Variants in PTPRD observed in about 807,000 individuals in gnomAD.
The protein encoded by PTPRD is receptor-type tyrosine-protein phosphatase delta.
PTPRD carries 34 observed loss-of-function variants against 214.5 expected under a neutral mutation model. The observed-to-expected ratio is 0.16, with a 90% CI of 0.12 to 0.21. The LOEUF (loss-of-function observed/expected upper bound fraction) is 0.21, where lower values mean the gene tolerates loss of function less well. Among genes scored for constraint, PTPRD ranks in the 10% least tolerant of loss-of-function variants. The pLI, the probability that PTPRD is intolerant of heterozygous loss-of-function variation, is 1.00. For synonymous variants in PTPRD, 1,128 were observed against 845.7 expected, an observed-to-expected ratio of 1.33 and a Z score of -5.79; for missense variants, 2,545 against 2,398.7, an observed-to-expected ratio of 1.06 and a Z score of -1.27.
intron 14 of PTPRD, among the ~76,000 whole-genome samples, chr9:8,566,548 C>A (rs539043723): frequency 6.6e-6 from 1 of 152,270 alleles, no homozygotes; most frequent in East Asian, 1.9e-4. Context: ...ATAACTTCAC[C>A]TCTGAGTAGG....
intron 3 of PTPRD, among the ~76,000 whole-genome samples, chr9:10,108,941 G>C (rs1433431064): frequency 2.6e-5 from 4 of 151,568 alleles, no homozygotes; most frequent in Non-Finnish European, 5.9e-5. Context: ...TGTTGAGAAA[G>C]TCCTTTCCAG....
chr9:9,669,473 CT>C (rs1031370439), intron 7 of PTPRD, among the ~76,000 whole-genome samples: 4 of 152,048 alleles, frequency 2.6e-5, no homozygotes, highest in Admixed American at 2.6e-4. Flanking sequence ...TTTGTGAGTG[CT>C]TTAGAAGGAA....
chr9:8,759,818 T>G (rs888056263), intron 11 of PTPRD, among the ~76,000 whole-genome samples: 2 of 152,192 alleles, frequency 1.3e-5, no homozygotes, highest in African/African-American at 4.8e-5. Flanking sequence ...GGTTCTTCTC[T>G]TCTTCCGAGG....
At chr9:9,985,284 A>G (rs1049864238) in intron 4 of PTPRD, among the ~76,000 whole-genome samples, 1 of 152,154 alleles carries the variant, frequency 6.6e-6, no homozygotes, top group Admixed American at 6.6e-5. Flanking sequence ...GTTTTCTTAT[A>G]TTCTATAATC....
chr9:8,627,327 C>G (rs565919404), intron 14 of PTPRD, among the ~76,000 whole-genome samples: 1 of 151,868 alleles, frequency 6.6e-6, no homozygotes, highest in East Asian at 2.0e-4. Flanking sequence ...CGATGAAAAT[C>G]TTAGCTGTAC....
intron 11 of PTPRD, among the ~76,000 whole-genome samples, chr9:8,735,561 G>A (rs1186634568): frequency 6.6e-6 from 1 of 152,182 alleles, no homozygotes; most frequent in South Asian, 2.1e-4. Context: ...GAACCTTCTG[G>A]TTGAAGTCAT....
intron 3 of PTPRD, among the ~76,000 whole-genome samples, chr9:10,242,748 T>C (rs900395978): frequency 6.6e-6 from 1 of 151,938 alleles, no homozygotes; most frequent in Non-Finnish European, 1.5e-5. Context: ...ATTTTTATTT[T>C]TCTTTCTAGT....
intron 9 of PTPRD, among the ~76,000 whole-genome samples, chr9:9,289,503 T>C (rs936438560): frequency 4.0e-5 from 6 of 151,820 alleles, no homozygotes; most frequent in Admixed American, 6.6e-5. Context: ...GTGTCTGCTC[T>C]CTTCAAATTT....
chr9:10,307,317 CATAT>C (rs1213904202), intron 3 of PTPRD, among the ~76,000 whole-genome samples: 4 of 152,080 alleles, frequency 2.6e-5, no homozygotes, highest in Admixed American at 2.0e-4. Context: ...TGAGTAAGAA[CATAT>C]GACATCTGTC....
At chr9:10,232,452 A>G (rs966873620) in intron 3 of PTPRD, among the ~76,000 whole-genome samples, 1 of 152,016 alleles carries the variant, frequency 6.6e-6, no homozygotes, top group African/African-American at 2.4e-5. Context: ...ATACCTAAGG[A>G]AAGTCTGGCA....
intron 6 of PTPRD, among the ~76,000 whole-genome samples, chr9:9,755,078 G>A (rs1206105334): frequency 6.6e-6 from 1 of 151,862 alleles, no homozygotes; most frequent in Admixed American, 6.6e-5. Context: ...GAAATTTTGG[G>A]GAGATATACA....
chr9:10,285,234 C>T (rs2095304256), intron 3 of PTPRD, among the ~76,000 whole-genome samples: 1 of 152,102 alleles, frequency 6.6e-6, no homozygotes, highest in Non-Finnish European at 1.5e-5. Context: ...TAAGAATACA[C>T]TTTTTGTAAA....
At chr9:9,976,445 G>A (rs1306165746) in intron 4 of PTPRD, among the ~76,000 whole-genome samples, 1 of 151,648 alleles carries the variant, frequency 6.6e-6, no homozygotes, top group East Asian at 1.9e-4. Flanking sequence ...GGATTGCAGT[G>A]GCATGATCTC....
At chr9:8,532,821 G>T (rs768085627) in intron 14 of PTPRD, among the ~76,000 whole-genome samples, 12 of 152,002 alleles carry the variant, frequency 7.9e-5, no homozygotes, top group East Asian at 3.9e-4. Flanking sequence ...AGCTATAATA[G>T]ACCTGGAAAT....
intron 3 of PTPRD, among the ~76,000 whole-genome samples, chr9:10,221,473 A>G (rs2099570866): frequency 6.6e-6 from 1 of 152,064 alleles, no homozygotes; most frequent in Admixed American, 6.6e-5. Context: ...AAATGTATAT[A>G]TTGAACACAA....
intron 2 of PTPRD, among the ~76,000 whole-genome samples, chr9:10,531,126 T>C (rs949957017): frequency 4.6e-5 from 7 of 152,074 alleles, no homozygotes; most frequent in African/African-American, 1.7e-4. Flanking sequence ...ATTTTTGTAT[T>C]TTTAGTAGAG....
intron 4 of PTPRD, among the ~76,000 whole-genome samples, chr9:10,026,784 T>C (rs531621835): frequency 5.3e-5 from 8 of 151,890 alleles, no homozygotes; most frequent in African/African-American, 1.9e-4. Flanking sequence ...ATGTATGTTA[T>C]ACATTTACAA....
In PTPRD at chr9:8,432,492, G is replaced by A. The variant is rs553257487; in HGVS notation, c.4086+4100C>T. Among the ~76,000 whole-genome samples the A allele has an allele frequency of 3.3e-5, 5 of 152,162 alleles. No individual in the cohort carries two copies. The South Asian group carries it at 8.3e-4, about 25-fold the overall frequency. On this transcript the variant is annotated intron_variant, in intron 35 of 45. Transcript: ENST00000381196. ...CAAACAGCTTTCACGCCTTTAACCT[G>A]TTTTAGTCTTAGAATCAGAGTAAAA...
At position 10,246,821 on chromosome 9, in the gene PTPRD, G is replaced by A. The variant is rs533044104; in HGVS notation, c.-545+94142C>T. Among the ~76,000 whole-genome samples the A allele has an allele frequency of 2.3e-4, 35 of 150,456 alleles. 1 individual carries two copies. The South Asian group carries it at 7.4e-3, about 32-fold the overall frequency. The stretch of plus-strand genomic sequence containing the variant: ...AGGCAGGAGAATCGCTTGAACCTGG[G>A]AGGCTGAGGTTGCAGTGAGCCGAGA... On this transcript the variant is annotated intron_variant, in intron 3 of 45. Coordinates refer to ENST00000381196, the MANE Select transcript of PTPRD (RefSeq NM_002839.4).
Sources: allele counts gnomAD v4.1 joint callset (sites outside exome capture counted in the v4.1 genomes callset), GRCh38; gene constraint gnomAD v4.1.1; transcripts MANE v1.5; gene names NCBI Gene and HGNC (gene_info 2026-07-23, HGNC 2026-07-21).